DOCK8: variants seen among roughly 807,000 people sequenced by gnomAD.
The protein encoded by DOCK8 is dedicator of cytokinesis 8.
DOCK8 carries 141 observed loss-of-function variants against 245.6 expected under a neutral mutation model. The observed-to-expected ratio is 0.57, with a 90% CI of 0.50 to 0.66. DOCK8 has a LOEUF of 0.66. Ranked by LOEUF, DOCK8 falls within the 30% of genes least tolerant of loss-of-function variation. The pLI, the probability that DOCK8 is intolerant of heterozygous loss-of-function variation, is 0.00. For missense variants in DOCK8, 2,965 were observed against 2,603.4 expected (o/e 1.14, Z -3.02); for synonymous variants, 1,168 against 970.2 (o/e 1.20, Z -3.79).
At chr9:312,589 C>G (rs774593135) in intron 6 of DOCK8, 1 of 367,496 alleles carries the variant, frequency 2.7e-6, no homozygotes, top group Non-Finnish European at 5.3e-6. Context: ...TTTTAATGGT[C>G]TCTATGAGCA....
chr9:332,219 A>C (rs117412116), intron 9 of DOCK8, among the ~76,000 whole-genome samples, 179 bp from the exon 10 acceptor site: 1 of 152,126 alleles, frequency 6.6e-6, no homozygotes, highest in Non-Finnish European at 1.5e-5. Flanking sequence ...TGCCTTTATG[A>C]TTTGTTAAAT....
At chr9:242,664 A>G (rs183413433) in intron 1 of DOCK8, among the ~76,000 whole-genome samples, 1,549 of 152,326 alleles carry the variant, frequency 0.01, 13 homozygotes, top group Non-Finnish European at 0.017. Context: ...CAATGCTGCC[A>G]CAGAAACTCA....
chr9:430,596 C>T (rs994727820), intron 36 of DOCK8, among the ~76,000 whole-genome samples: 1 of 151,154 alleles, frequency 6.6e-6, no homozygotes, highest in African/African-American at 2.4e-5. Flanking sequence ...GCACGAGAAT[C>T]GCTTGAACCC....
At chr9:449,142 G>T (rs1239884435) in intron 44 of DOCK8, among the ~76,000 whole-genome samples, 1 of 152,118 alleles carries the variant, frequency 6.6e-6, no homozygotes, top group East Asian at 1.9e-4. Flanking sequence ...CCTAAGGTTG[G>T]GAGTTTGAGA....
At chr9:225,150 A>G (rs1016537863) in intron 1 of DOCK8, among the ~76,000 whole-genome samples, 2 of 144,980 alleles carry the variant, frequency 1.4e-5, no homozygotes, top group African/African-American at 5.1e-5. Context: ...CAAGCAGCCT[A>G]TGCCCTCAGA....
At chr9:358,251 A>G (rs10758279) in intron 14 of DOCK8, among the ~76,000 whole-genome samples, 82,055 of 151,644 alleles carry the variant, frequency 0.54, 23,988 homozygotes, top group East Asian at 0.8. Context: ...TGCCTGGCTA[A>G]TAAAAAAAAA....
intron 2 of DOCK8, among the ~76,000 whole-genome samples, chr9:275,874 C>T (rs2048326770): frequency 7.0e-6 from 1 of 143,806 alleles, no homozygotes; most frequent in Non-Finnish European, 1.5e-5. Flanking sequence ...CAGGCATGAG[C>T]CACTGGGCCC....
intron 4 of DOCK8, among the ~76,000 whole-genome samples, chr9:297,539 G>A (rs2049315317): frequency 6.6e-6 from 1 of 152,140 alleles, no homozygotes; most frequent in South Asian, 2.1e-4. Context: ...TCTCCTGTCT[G>A]CATCTAGGTG....
intron 1 of DOCK8, among the ~76,000 whole-genome samples, chr9:249,108 C>T (rs1413312650): frequency 1.3e-5 from 2 of 152,202 alleles, no homozygotes; most frequent in African/African-American, 4.8e-5. Context: ...TCACCTGGGA[C>T]TGCATATAGA....
chr9:246,543 T>G (rs953076905), intron 1 of DOCK8, among the ~76,000 whole-genome samples: 6 of 152,026 alleles, frequency 3.9e-5, no homozygotes, highest in African/African-American at 1.4e-4. Context: ...CAAAAAAATG[T>G]TCCCTTAGAT....
intron 28 of DOCK8, among the ~76,000 whole-genome samples, chr9:410,411 T>A (rs1376631870): frequency 6.6e-6 from 1 of 152,166 alleles, no homozygotes. Context: ...TTCAACTGTA[T>A]GTCATATTCC....
intron 1 of DOCK8, among the ~76,000 whole-genome samples, chr9:260,697 AT>A (rs2047898107): frequency 6.6e-6 from 1 of 152,238 alleles, no homozygotes; most frequent in Non-Finnish European, 1.5e-5. Flanking sequence ...TAGTTAAGAA[AT>A]TATTGCCCAG....
intron 47 of DOCK8, 46 bp from the exon 48 acceptor site, chr9:464,113 C>G (rs565061236): frequency 1.3e-6 from 2 of 1,511,924 alleles, no homozygotes; most frequent in African/African-American, 2.7e-5. Context: ...TTTCTTGCTT[C>G]TGTACGCTCT....
intron 24 of DOCK8, among the ~76,000 whole-genome samples, chr9:393,875 A>G (rs2054316455): frequency 6.6e-6 from 1 of 152,190 alleles, no homozygotes; most frequent in Non-Finnish European, 1.5e-5. Context: ...CTCAGCATGT[A>G]TGGGAGGTTC....
In DOCK8 at chr9:371,546, G is replaced by A; in HGVS notation, c.1987G>A (p.Glu663Lys). Residue 663 changes from glutamate (E) to lysine (K), a missense_variant, in exon 17 of 48, where the codon GAA (glutamate) becomes AAA (lysine). Transcript: ENST00000432829. ...SCQQKQGASV[E>K]TLLGYSWLPI... ...TCAGCAGAAGCAAGGAGCCTCCGTG[G>A]AAACTCTCCTGGGATATTCAGTGAG... is the stretch of plus-strand genomic sequence containing the variant. 1.2e-6 allele frequency: 2 copies of A among 1,614,170 alleles called. No individual in the cohort carries two copies. Among genetic ancestry groups the A allele is most frequent in the Non-Finnish European group, 1.7e-6 (2 of 1,180,014 alleles).
At position 403,905 on chromosome 9, in the gene DOCK8, TATATATATATAC is replaced by T. The variant is rs1231425100; in HGVS notation, c.3235-1001_3235-990del. ...CTCTCTCTCTCTCTATATATATATA[TATATATATATAC>T]ATATATATATATGTGTATATATATA... On this transcript the variant is annotated intron_variant, in intron 26 of 47. Transcript: ENST00000432829. Among the ~76,000 whole-genome samples, 561 of 88,090 alleles carry T rather than the reference TATATATATATAC, an allele frequency of 6.4e-3. 9 individuals carry two copies. Among genetic ancestry groups the T allele is most frequent in the African/African-American group, 0.04 (537 of 13,372 alleles). 57.8% of individuals were successfully genotyped at this position (88,090 alleles called of 152,430 possible).
In DOCK8 at chr9:446,592, A is replaced by T; in HGVS notation, c.5803A>T (p.Ile1935Phe). ...CTACATCAAGACCAGGATCAGCGTCATCCAGAAGGAGGAGGTAATGCACCC... is the reference window on the plus strand; with the variant it reads ...CTACATCAAGACCAGGATCAGCGTCTTCCAGAAGGAGGAGGTAATGCACCC... ...FPYIKTRISV[I>F]QKEEFVLTPI... is the part of the protein sequence containing the mutation. The change falls in exon 44 of 48, where the codon ATC becomes TTC. Residue 1935 changes from isoleucine to phenylalanine, a missense_variant. Ile to Phe is a conservative substitution (Grantham distance 21). This residue lies in a region of DOCK8 where 2,825 missense variants were observed against 2,453.5 expected (regional missense o/e 1.15). Transcript: ENST00000432829. The T allele has an allele frequency of 6.2e-7, 1 of 1,614,204 alleles. No homozygotes were observed. The highest frequency in any genetic ancestry group is 8.5e-7 in the Non-Finnish European group (1 of 1,180,022).
rs1021940489 is a variant in DOCK8 at position 400,956 on chromosome 9, C to A, written c.3234+1697C>A. Among the ~76,000 whole-genome samples the A allele has an allele frequency of 2.5e-4, 27 of 108,680 alleles. 4 individuals carry two copies. The highest frequency in any genetic ancestry group is 4.2e-4 in the Non-Finnish European group (20 of 48,048). The allele number at this position is 108,680 out of a possible 152,430, so 71.3% of individuals were successfully genotyped here. ...ACATCCACCACCACCATCACCACCA[C>A]CACCACCACCTCCTCCACCATCACC... is the stretch of plus-strand genomic sequence containing the variant. On this transcript the variant is annotated intron_variant, in intron 26 of 47. Coordinates refer to ENST00000432829, the MANE Select transcript of DOCK8 (RefSeq NM_203447.4).
chr9:382,949 ATGGAGTC>A lies in DOCK8; in HGVS notation c.2778+265_2778+271del, dbSNP rs1374477787. 4.5e-4 allele frequency among the ~76,000 whole-genome samples: 68 copies of A among 152,258 alleles called. 1 individual carries two copies. The highest frequency in any genetic ancestry group is 7.1e-4 in the Non-Finnish European group (48 of 68,014). ...TTTAAAGCATCAGGGGTTTAGCCAC[ATGGAGTC>A]ATGTGGCTAAACCATGCATTTTATT... On this transcript the variant is annotated intron_variant, in intron 22 of 47. Transcript: ENST00000432829.
Sources: gnomAD v4.1 joint callset for allele counts (sites outside exome capture counted in the v4.1 genomes callset) on GRCh38, gnomAD v4.1.1 for gene constraint, gnomAD v4.1.1 regional missense constraint, MANE v1.5 for transcripts, NCBI Gene and HGNC (gene_info 2026-07-23, HGNC 2026-07-21) for gene names.